Variants in DRC11 observed in about 807,000 individuals in gnomAD.
The protein encoded by DRC11 is dynein regulatory complex subunit 11.
At chr2:236,392,739 G>A in the DRC11 span, among the ~76,000 whole-genome samples, 8 of 152,020 alleles carry the variant, frequency 5.3e-5, no homozygotes, top group African/African-American at 1.9e-4. The surrounding 1 kb of genome is among the most constrained non-coding windows in gnomAD (Gnocchi z 5.1). Flanking sequence ...TTCTTCAAAT[G>A]ATTCACTAAA....
chr2:236,507,155 G>GAGAAA, the DRC11 span: 39 of 1,228,104 alleles, frequency 3.2e-5, no homozygotes, highest in East Asian at 8.3e-4. Context: ...GAGAGGGGAG[G>GAGAAA]AGAAAAGAAA....
At chr2:236,307,983 G>A in the DRC11 span, among the ~76,000 whole-genome samples, 9 of 151,550 alleles carry the variant, frequency 5.9e-5, no homozygotes, top group East Asian at 1.9e-4. This position sits in a 1 kb window ranked among gnomAD's most constrained non-coding sequence, Gnocchi z 7.0. Context: ...TGACACAAGC[G>A]TCCTCGTGTG....
the DRC11 span, among the ~76,000 whole-genome samples, chr2:236,410,451 G>A: frequency 2.0e-5 from 3 of 150,826 alleles, no homozygotes; most frequent in South Asian, 6.3e-4. Context: ...AATCAATATC[G>A]TGAAAATGGC....
At chr2:236,363,562 G>A in the DRC11 span, among the ~76,000 whole-genome samples, 2 of 152,204 alleles carry the variant, frequency 1.3e-5, no homozygotes, top group African/African-American at 4.8e-5. This position sits in a 1 kb window ranked among gnomAD's most constrained non-coding sequence, Gnocchi z 5.6. Context: ...GCAGAGGGAG[G>A]GTGATTGGGA....
chr2:236,460,669 C>T, the DRC11 span, among the ~76,000 whole-genome samples: 1 of 152,330 alleles, frequency 6.6e-6, no homozygotes, highest in East Asian at 1.9e-4. This position sits in a 1 kb window ranked among gnomAD's most constrained non-coding sequence, Gnocchi z 4.0. Context: ...AGTAACCCCA[C>T]CACTCTAGCG....
At chr2:236,405,259 C>A in the DRC11 span, among the ~76,000 whole-genome samples, 1 of 152,048 alleles carries the variant, frequency 6.6e-6, no homozygotes, top group Admixed American at 6.5e-5. This position sits in a 1 kb window ranked among gnomAD's most constrained non-coding sequence, Gnocchi z 4.6. Flanking sequence ...GCTGGCTGAA[C>A]AAATAATGAA....
chr2:236,398,744 C>T, the DRC11 span, among the ~76,000 whole-genome samples: 1 of 152,198 alleles, frequency 6.6e-6, no homozygotes, highest in Non-Finnish European at 1.5e-5. The surrounding 1 kb of genome is among the most constrained non-coding windows in gnomAD (Gnocchi z 6.2). Context: ...GAACAACTGA[C>T]AGAAAAATCG....
chr2:236,369,130 T>C, the DRC11 span: 32 of 152,270 alleles, frequency 2.1e-4, no homozygotes, highest in Non-Finnish European at 4.1e-4. The surrounding 1 kb of genome is among the most constrained non-coding windows in gnomAD (Gnocchi z 4.5). Context: ...TTTTCCCTGA[T>C]GCTTTCTTCC....
the DRC11 span, among the ~76,000 whole-genome samples, chr2:236,396,735 A>G: frequency 1.3e-5 from 2 of 152,252 alleles, no homozygotes; most frequent in African/African-American, 4.8e-5. Context: ...TAATTACATT[A>G]TCCAATGGCA....
the DRC11 span, among the ~76,000 whole-genome samples, chr2:236,319,166 C>T: frequency 6.6e-6 from 1 of 152,224 alleles, no homozygotes; most frequent in African/African-American, 2.4e-5. This position sits in a 1 kb window ranked among gnomAD's most constrained non-coding sequence, Gnocchi z 6.7. Flanking sequence ...AAGGTACAGC[C>T]TGCCCCATGG....
chr2:236,355,531 G>A, the DRC11 span, among the ~76,000 whole-genome samples: 2 of 152,120 alleles, frequency 1.3e-5, no homozygotes, highest in Admixed American at 6.5e-5. Context: ...GCCTCCCACC[G>A]TGTCCATACC....
At chr2:236,408,778 G>A in the DRC11 span, 40 of 672,040 alleles carry the variant, frequency 6.0e-5, no homozygotes, top group South Asian at 2.4e-4. This position sits in a 1 kb window ranked among gnomAD's most constrained non-coding sequence, Gnocchi z 5.5. Context: ...AAGGTCTGGA[G>A]GCCTTGAGGT....
chr2:236,464,171 T>C, the DRC11 span, among the ~76,000 whole-genome samples: 70 of 152,362 alleles, frequency 4.6e-4, no homozygotes, highest in African/African-American at 1.5e-3. Context: ...TTACTAGGTA[T>C]AGCTCACACT....
the DRC11 span, among the ~76,000 whole-genome samples, chr2:236,498,348 C>T: frequency 6.6e-6 from 1 of 151,990 alleles, no homozygotes; most frequent in Non-Finnish European, 1.5e-5. Context: ...GCCTGTAGTC[C>T]CAGTTACTCA....
At chr2:236,459,762 T>G in the DRC11 span, among the ~76,000 whole-genome samples, 1 of 151,262 alleles carries the variant, frequency 6.6e-6, no homozygotes, top group Non-Finnish European at 1.5e-5. Context: ...TCATGGTAGC[T>G]ATCTCTATAT....
At chr2:236,314,155 GA>G in the DRC11 span, among the ~76,000 whole-genome samples, 5 of 152,158 alleles carry the variant, frequency 3.3e-5, no homozygotes, top group Non-Finnish European at 7.4e-5. The surrounding 1 kb of genome is among the most constrained non-coding windows in gnomAD (Gnocchi z 4.5). Flanking sequence ...CATTGGGGGA[GA>G]TTGGGCAGCA....
the DRC11 span, among the ~76,000 whole-genome samples, chr2:236,421,876 A>G: frequency 6.6e-6 from 1 of 152,224 alleles, no homozygotes; most frequent in Non-Finnish European, 1.5e-5. Flanking sequence ...AGTGGGCTTC[A>G]TCCCTGGGAT....
At chr2:236,331,343 C>G in the DRC11 span, 2 of 1,556,784 alleles carry the variant, frequency 1.3e-6, no homozygotes, top group Non-Finnish European at 1.8e-6. The surrounding 1 kb of genome is among the most constrained non-coding windows in gnomAD (Gnocchi z 4.8). Flanking sequence ...ACTTGGTCAT[C>G]AGGGTGTTCA....
chr2:236,327,634 G>A, the DRC11 span, among the ~76,000 whole-genome samples: 4 of 151,974 alleles, frequency 2.6e-5, no homozygotes, highest in Non-Finnish European at 5.9e-5. Context: ...CAGTTCTTTT[G>A]TTTTCTCTTT....
Sources: allele counts gnomAD v4.1 joint callset (sites outside exome capture counted in the v4.1 genomes callset), GRCh38; gene constraint gnomAD v4.1.1; non-coding constraint Gnocchi (gnomAD v3.1); transcripts MANE v1.5; gene names NCBI Gene and HGNC (gene_info 2026-07-23, HGNC 2026-07-21).